The following NT5C3A variants were observed in gnomAD, a reference collection of about 807,000 sequenced individuals.
NT5C3A encodes 5'-nucleotidase, cytosolic IIIA, also known as cytosolic 5'-nucleotidase 3A.
A neutral mutation model predicts 40.0 loss-of-function variants in NT5C3A; 23 were observed. The ratio of observed to expected loss-of-function variants is 0.58; its 90% CI spans 0.41 to 0.81. The LOEUF is 0.81. NT5C3A is among the 40% of genes least tolerant of loss of function. The pLI, the probability that NT5C3A is intolerant of heterozygous loss-of-function variation, is 0.00. For synonymous variants in NT5C3A, 130 were observed against 141.4 expected, an observed-to-expected ratio of 0.92 and a Z score of 0.57; for missense variants, 328 against 403.0, an observed-to-expected ratio of 0.81 and a Z score of 1.59.
chr7:33,045,574 C>T (rs1787109351), intron 1 of NT5C3A, among the ~76,000 whole-genome samples: 1 of 151,924 alleles, frequency 6.6e-6, no homozygotes, highest in Admixed American at 6.6e-5. Context: ...ATTCTTCTGC[C>T]TCAGCCTCCC....
intron 7 of NT5C3A, 33 bp from the exon 8 acceptor site, chr7:33,015,903 T>TAA (rs767003615): frequency 2.1e-6 from 3 of 1,404,796 alleles, no homozygotes; most frequent in Non-Finnish European, 3.0e-6. Flanking sequence ...GAACAGGCTT[T>TAA]AAAAATTCTA....
Position 33,014,571 on chromosome 7 carries a change from C to A in NT5C3A, c.*159G>T. The A allele has an allele frequency of 9.7e-7, 1 of 1,028,860 alleles. No individual in the cohort carries two copies. Among genetic ancestry groups the A allele is most frequent in the Non-Finnish European group, 1.4e-6 (1 of 695,524 alleles). The allele number at this position is 1,028,860 out of a possible 1,614,324, so 63.7% of individuals were successfully genotyped here. A position where few individuals can be genotyped will look rare whatever the true frequency, so the allele number is the denominator to read the frequency against. On this transcript the variant is annotated 3_prime_UTR_variant, in exon 9 of 9. Coordinates refer to ENST00000610140, the MANE Select transcript of NT5C3A (RefSeq NM_001002010.5). ...TGTTGAGAGAGGTGGAGAAAAGGAG[C>A]TTCCAGTCAATGCATTCACCATATC...
intron 1 of NT5C3A, among the ~76,000 whole-genome samples, chr7:33,053,829 TA>T (rs1353904632): frequency 2.0e-5 from 3 of 152,108 alleles, no homozygotes; most frequent in Admixed American, 1.3e-4. Context: ...ATTGTAAAGC[TA>T]AAACTGTTTC....
intron 1 of NT5C3A, among the ~76,000 whole-genome samples, chr7:33,031,894 G>A (rs1786280184): frequency 6.6e-6 from 1 of 152,168 alleles, no homozygotes; most frequent in Admixed American, 6.5e-5. Flanking sequence ...GGAGGCCAAG[G>A]CCAGTGGATC....
chr7:33,023,874 T>C, intron 3 of NT5C3A, 165 bp downstream of exon 3: 2 of 608,874 alleles, frequency 3.3e-6, no homozygotes, highest in African/African-American at 1.9e-5. Context: ...ATTTATATAA[T>C]ATGGGAAAAA....
intron 1 of NT5C3A, among the ~76,000 whole-genome samples, chr7:33,039,807 T>C (rs527308843): frequency 6.6e-5 from 10 of 151,924 alleles, no homozygotes; most frequent in Non-Finnish European, 1.3e-4. Context: ...AGAAGAGATA[T>C]AGGAGGAAAG....
At chr7:33,027,957 G>C (rs543892711) in intron 1 of NT5C3A, among the ~76,000 whole-genome samples, 40 of 152,202 alleles carry the variant, frequency 2.6e-4, no homozygotes, top group African/African-American at 9.6e-4. Context: ...AAATGTTCCT[G>C]AGCAGAAAGG....
Position 33,014,630 on chromosome 7 carries a change from C to A in NT5C3A, c.*100G>T, listed in dbSNP as rs371473356. ...CTTCAGTTATACAAAGGGAACACTT[C>A]GAGAGTAAGGATATATTATAAATAA... On this transcript the variant is annotated 3_prime_UTR_variant, in exon 9 of 9. Coordinates refer to ENST00000610140, the MANE Select transcript of NT5C3A (RefSeq NM_001002010.5). 2.6e-6 allele frequency: 4 copies of A among 1,524,810 alleles called. No individual in the cohort carries two copies. The African/African-American group carries it at 5.5e-5, about 21-fold the overall frequency. The allele number at this position is 1,524,810 out of a possible 1,614,324, so 94.5% of individuals were successfully genotyped here.
chr7:33,028,915 C>T lies in NT5C3A; in HGVS notation c.139-2000G>A, dbSNP rs3793331. Among the ~76,000 whole-genome samples, 1,625 of 151,120 alleles carry T rather than the reference C, an allele frequency of 0.011. 60 individuals carry two copies. The East Asian group carries it at 0.14, about 13-fold the overall frequency. On this transcript the variant is annotated intron_variant, in intron 1 of 8. Transcript: ENST00000610140. ...CTGAAAACATAAAAAATTAGCTGGG[C>T]GTGGTGGCGGGTGCCTGTAGTCCCA...
intron 1 of NT5C3A, among the ~76,000 whole-genome samples, chr7:33,035,545 G>A (rs994130857): frequency 6.6e-6 from 1 of 152,026 alleles, no homozygotes; most frequent in African/African-American, 2.4e-5. Flanking sequence ...TCTCATCCTA[G>A]TATATATAAT....
intron 1 of NT5C3A, among the ~76,000 whole-genome samples, chr7:33,057,706 G>A (rs928385364): frequency 6.6e-6 from 1 of 151,816 alleles, no homozygotes. Flanking sequence ...TCTAGTGATC[G>A]TTCCATCTCC....
chr7:33,042,659 G>C (rs923530213), intron 1 of NT5C3A, among the ~76,000 whole-genome samples: 5 of 152,092 alleles, frequency 3.3e-5, no homozygotes, highest in African/African-American at 1.2e-4. Context: ...CAACAACCAA[G>C]AATATTGAAA....
chr7:33,041,052 G>A (rs1338678441), intron 1 of NT5C3A: 2 of 985,278 alleles, frequency 2.0e-6, no homozygotes, highest in Non-Finnish European at 2.4e-6. Flanking sequence ...AGCCTCGCTA[G>A]CTCTGAGCTA....
At chr7:33,055,606 G>A (rs186531830) in intron 1 of NT5C3A, among the ~76,000 whole-genome samples, 1 of 152,188 alleles carries the variant, frequency 6.6e-6, no homozygotes, top group East Asian at 1.9e-4. Flanking sequence ...AAACATGGAC[G>A]CATTGGCCAT....
In NT5C3A at chr7:33,019,688, A is replaced by G. The variant is rs774160125; in HGVS notation, c.477T>C (p.Ala159=). 1 of 1,609,810 alleles carries G rather than the reference A, an allele frequency of 6.2e-7. No homozygotes were observed. Among genetic ancestry groups the G allele is most frequent in the South Asian group, 1.1e-5 (1 of 91,000 alleles). ...TTTCTTTAAGTTTAGCTTTTGGTAA[A>G]GCTTGCTGAACAAGCAAACCATGTG... ...TKSHGLLVQQ[A]LPKAKLKEIV... Residue 159 remains alanine, a synonymous_variant, in exon 6 of 9, where the codon GCT becomes GCC. Transcript: ENST00000610140.
At chr7:33,032,131 A>G (rs1020383471) in intron 1 of NT5C3A, among the ~76,000 whole-genome samples, 50 of 151,778 alleles carry the variant, frequency 3.3e-4, no homozygotes, top group African/African-American at 1.2e-3. Context: ...TCTCAAAAAC[A>G]AACAAAAAAA....
At chr7:33,027,164 G>C in intron 1 of NT5C3A, 1 of 400,498 alleles carries the variant, frequency 2.5e-6, no homozygotes, top group Non-Finnish European at 4.6e-6. Flanking sequence ...CAAACTCCTG[G>C]GCTCAAATGA....
At position 33,054,128 on chromosome 7, in the gene NT5C3A, G is replaced by C. The variant is rs530950145; in HGVS notation, c.138+8440C>G. Among the ~76,000 whole-genome samples the C allele has an allele frequency of 2.2e-3, 335 of 152,228 alleles. 2 individuals carry two copies. Among genetic ancestry groups the C allele is most frequent in the African/African-American group, 7.7e-3 (318 of 41,532 alleles). The stretch of plus-strand genomic sequence containing the variant: ...CCCAGCACTTTGGGAGGTAGAGGTA[G>C]GAGGATCGCTTAAGCCAGGAGTTTG... On this transcript the variant is annotated intron_variant, in intron 1 of 8. Coordinates refer to ENST00000610140, the MANE Select transcript of NT5C3A (RefSeq NM_001002010.5).
At chr7:33,021,497 TTTG>T (rs1375305306) in intron 4 of NT5C3A, 140 bp from the exon 5 acceptor site, 9 of 1,095,008 alleles carry the variant, frequency 8.2e-6, no homozygotes, top group Non-Finnish European at 8.9e-6. Context: ...TGAAAAAATA[TTTG>T]TTGATCTTAG....
Sources: gnomAD v4.1 joint callset for allele counts (sites outside exome capture counted in the v4.1 genomes callset) on GRCh38, gnomAD v4.1.1 for gene constraint, MANE v1.5 for transcripts, NCBI Gene and HGNC (gene_info 2026-07-23, HGNC 2026-07-21) for gene names.